GSN: variants seen among roughly 807,000 people sequenced by gnomAD.
GSN encodes actin-depolymerizing factor.
In GSN, 56 loss-of-function variants were observed where a neutral mutation model predicts 85.7. The ratio of observed to expected loss-of-function variants is 0.65; its 90% CI spans 0.53 to 0.82. The LOEUF (loss-of-function observed/expected upper bound fraction) is 0.82, where lower values mean the gene tolerates loss of function less well. Among genes scored for constraint, GSN ranks in the 40% least tolerant of loss-of-function variants. The pLI is 0.00. For missense variants in GSN, 857 were observed against 979.8 expected, an observed-to-expected ratio of 0.87 and a Z score of 1.67; for synonymous variants, 373 against 399.1, an observed-to-expected ratio of 0.93 and a Z score of 0.78.
chr9:121,231,360 C>T (rs1441301303), intron 5 of GSN: 1 of 152,168 alleles, frequency 6.6e-6, no homozygotes, highest in Non-Finnish European at 1.5e-5. Flanking sequence ...TCCTTCTTCT[C>T]TATCTTTGAT....
At chr9:121,212,491 C>T (rs1306637834) in intron 4 of GSN, among the ~76,000 whole-genome samples, 6 of 152,172 alleles carry the variant, frequency 3.9e-5, no homozygotes, top group Admixed American at 1.3e-4. Flanking sequence ...AGGAGGCTTA[C>T]AATACAGCCT....
Position 121,318,829 on chromosome 9 carries a change from T to C in GSN, c.1140T>C (p.Thr380=), listed in dbSNP as rs1589133861. 3 of 1,614,114 alleles carry C rather than the reference T, an allele frequency of 1.9e-6. No homozygotes were observed. The highest frequency in any genetic ancestry group is 1.7e-6 in the Non-Finnish European group (2 of 1,180,022). The change falls in exon 10 of 18, where the codon ACT becomes ACC. Residue 380 remains threonine, a synonymous_variant. Coordinates refer to ENST00000432226, the MANE Select transcript of GSN (RefSeq NM_198252.3). The surrounding 1 kb of genome is among the most constrained non-coding windows in gnomAD (Gnocchi z 4.3). The stretch of plus-strand genomic sequence containing the variant: ...ACGCCGCCACCCTGCACACCTCCAC[T>C]GCCATGGCCGCCCAGCACGGCATGG... The part of the protein sequence containing the change: ...PFDAATLHTS[T]AMAAQHGMDD...
At chr9:121,244,989 T>C (rs556467968) in intron 5 of GSN, among the ~76,000 whole-genome samples, 2 of 152,232 alleles carry the variant, frequency 1.3e-5, no homozygotes, top group African/African-American at 4.8e-5. Flanking sequence ...TAGATTTAAC[T>C]TTGGAACAAT....
intron 4 of GSN, among the ~76,000 whole-genome samples, chr9:121,307,915 T>A (rs112025054): frequency 6.6e-6 from 1 of 152,242 alleles, no homozygotes; most frequent in East Asian, 1.9e-4. Context: ...GCACTCTGCC[T>A]GGCTCTCCAA....
chr9:121,213,697 T>G (rs1020982523), intron 4 of GSN, among the ~76,000 whole-genome samples: 6 of 152,140 alleles, frequency 3.9e-5, no homozygotes, highest in Non-Finnish European at 8.8e-5. Flanking sequence ...TCATAGACTC[T>G]TGGCACAAGA....
intron 4 of GSN, among the ~76,000 whole-genome samples, chr9:121,230,626 C>T (rs1446067683): frequency 3.9e-5 from 6 of 152,114 alleles, no homozygotes; most frequent in African/African-American, 1.4e-4. Context: ...GTTACTTCAC[C>T]TTGTTGAATC....
In GSN at chr9:121,327,476, G is replaced by A. The variant is rs930463647; in HGVS notation, c.1756G>A (p.Glu586Lys). 1.9e-6 allele frequency: 3 copies of A among 1,571,668 alleles called. No homozygotes were observed. Among genetic ancestry groups the A allele is most frequent in the African/African-American group, 2.7e-5 (2 of 74,306 alleles). ...ACCTGTGCAGGTGGCAGAAGGCAGCGAGCCAGGTAGGAGCCGGGGTGGGGG... is the reference window on the plus strand; with the variant it reads ...ACCTGTGCAGGTGGCAGAAGGCAGCAAGCCAGGTAGGAGCCGGGGTGGGGG... ...AQPVQVAEGS[E>K]PDGFWEALGG... Residue 586 changes from glutamate to lysine, a missense_variant, in exon 14 of 18, where the codon GAG (glutamate) becomes AAG (lysine). By Grantham distance (56) the Glu-to-Lys change is moderately conservative. Transcript: ENST00000432226.
intron 5 of GSN, chr9:121,239,129 C>A (rs1427265991): frequency 1.4e-5 from 5 of 353,338 alleles, no homozygotes; most frequent in African/African-American, 1.1e-4. Context: ...CCTGCATGTT[C>A]ATATATAGTG....
rs1272929144 is a variant in GSN at position 121,318,990 on chromosome 9, T to G, written c.1191+110T>G. On this transcript the variant is annotated intron_variant, in intron 10 of 17. Transcript: ENST00000432226. The surrounding 1 kb of genome is among the most constrained non-coding windows in gnomAD (Gnocchi z 4.3). ...CTCTCTGAGGTTTGCACAACTTTGG[T>G]AGCTGAGATTCTTTGGTGTTACTTA... The G allele has an allele frequency of 1.2e-6, 1 of 865,452 alleles. No individual in the cohort carries two copies. The allele number at this position is 865,452 out of a possible 1,614,324, so 53.6% of individuals were successfully genotyped here.
chr9:121,252,747 G>A (rs1005337814), intron 6 of GSN, among the ~76,000 whole-genome samples: 3 of 152,198 alleles, frequency 2.0e-5, no homozygotes, highest in Non-Finnish European at 4.4e-5. Flanking sequence ...TTGGATATGT[G>A]TCATGAGCAA....
chr9:121,311,779 A>T (rs1192723812), intron 5 of GSN: 1 of 153,430 alleles, frequency 6.5e-6, no homozygotes, highest in Non-Finnish European at 1.5e-5. Flanking sequence ...ATTTAGTTGT[A>T]GGTTGTTCAT....
In GSN at chr9:121,303,017, C is replaced by T. The variant is rs373779982; in HGVS notation, c.303C>T (p.Phe101=). ...TGCAGCACCGTGAGGTCCAGGGCTT[C>T]GAGTCGGCCACCTTCCTAGGCTACT... ...RAVQHREVQG[F]ESATFLGYFK... The change falls in exon 4 of 18, where the codon TTC becomes TTT. Residue 101 remains phenylalanine, a synonymous_variant. Transcript: ENST00000432226. 1.9e-5 allele frequency: 30 copies of T among 1,613,968 alleles called. 1 individual carries two copies. In the African/African-American group the frequency reaches 2.1e-4, roughly 11 times the overall value.
At position 121,318,391 on chromosome 9, in the gene GSN, T is replaced by C. The variant is rs1368103372; in HGVS notation, c.887-15T>C. 1 of 1,610,444 alleles carries C rather than the reference T, an allele frequency of 6.2e-7. No homozygotes were observed. On this transcript the variant is annotated splice_polypyrimidine_tract_variant and intron_variant, in intron 8 of 17. Coordinates refer to ENST00000432226, the MANE Select transcript of GSN (RefSeq NM_198252.3). The surrounding 1 kb of genome is among the most constrained non-coding windows in gnomAD (Gnocchi z 4.3). ...GGGCCTCTAACCCTCCATCACTTCC[T>C]CTGGCTGCCAACAGGCAAGCAGGCA...
At chr9:121,222,989 T>G (rs1352496133) in intron 4 of GSN, 1 of 152,162 alleles carries the variant, frequency 6.6e-6, no homozygotes, top group African/African-American at 2.4e-5. Context: ...CACAGTGGTC[T>G]GCCAGCACTT....
chr9:121,318,957 G>A lies in GSN; in HGVS notation c.1191+77G>A. The A allele has an allele frequency of 1.6e-6, 2 of 1,215,622 alleles. No homozygotes were observed. Among genetic ancestry groups the A allele is most frequent in the South Asian group, 2.5e-5 (2 of 80,868 alleles). 75.3% of individuals were successfully genotyped at this position (1,215,622 alleles called of 1,614,324 possible). A position where few individuals can be genotyped will look rare whatever the true frequency, so the allele number is the denominator to read the frequency against. On this transcript the variant is annotated intron_variant, in intron 10 of 17. Transcript: ENST00000432226. This position sits in a 1 kb window ranked among gnomAD's most constrained non-coding sequence, Gnocchi z 4.3. ...CATGCACTGCCTCTTGCTTCCCCAA[G>A]GAGGTTTCTCTCTGAGGTTTGCACA...
chr9:121,228,434 T>A (rs1449788993), intron 4 of GSN, among the ~76,000 whole-genome samples: 1,104 of 88,348 alleles, frequency 0.012, 11 homozygotes, highest in African/African-American at 0.048. Flanking sequence ...ATTTTTTTTT[T>A]TTTTTTTTTT....
chr9:121,252,769 T>C (rs1016707900), intron 6 of GSN, among the ~76,000 whole-genome samples: 1 of 152,206 alleles, frequency 6.6e-6, no homozygotes, highest in Non-Finnish European at 1.5e-5. Context: ...AAATAAACTT[T>C]TGCTGTATTA....
At position 121,254,169 on chromosome 9, in the gene GSN, C is replaced by T. The variant is rs114534279; in HGVS notation, c.-341+5846C>T. Among the ~76,000 whole-genome samples, 549 of 152,308 alleles carry T rather than the reference C, an allele frequency of 3.6e-3. 1 individual carries two copies. The highest frequency in any genetic ancestry group is 0.012 in the African/African-American group (518 of 41,558). ...TTTTCCTTAAGCGGTCAGGAGCGCT[C>T]AGCCTTCAAACTGCATAATACAGTT... On this transcript the variant is annotated intron_variant, in intron 6 of 24. Coordinates refer to the GSN transcript ENST00000373823.
chr9:121,286,200 A>G, intron 2 of GSN: 1 of 1,502,076 alleles, frequency 6.7e-7, no homozygotes, highest in Non-Finnish European at 9.0e-7. Flanking sequence ...GTAGCACGGG[A>G]TCTGGGGTGG....
Sources: gnomAD v4.1 joint callset for allele counts (sites outside exome capture counted in the v4.1 genomes callset) on GRCh38, gnomAD v4.1.1 for gene constraint, Gnocchi (gnomAD v3.1) non-coding constraint, MANE v1.5 for transcripts, NCBI Gene and HGNC (gene_info 2026-07-23, HGNC 2026-07-21) for gene names.